The following KRI1 variants were observed in gnomAD, a reference collection of about 807,000 sequenced individuals.
KRI1 encodes KRI1 homolog.
In KRI1, 83 loss-of-function variants were observed where a neutral mutation model predicts 97.0. That is an observed-to-expected ratio of 0.86 (90% CI 0.72 to 1.03). The LOEUF is 1.03. Ranked by LOEUF, KRI1 falls within the 50% of genes least tolerant of loss-of-function variation. The probability of loss-of-function intolerance (pLI) is 0.00; values close to 1 mark genes in which losing one functional copy is unlikely to be tolerated. For synonymous variants in KRI1, 371 were observed against 363.5 expected (o/e 1.02, Z -0.23); for missense variants, 916 against 928.4 (o/e 0.99, Z 0.17).
chr19:10,562,707 G>A (rs1454914538), intron 4 of KRI1, 22 bp downstream of exon 4: 2 of 1,340,602 alleles, frequency 1.5e-6, no homozygotes, highest in Admixed American at 1.7e-5. Flanking sequence ...CCAGGGGGTG[G>A]GGATGTAGGC....
chr19:10,554,120 T>G lies in KRI1; in HGVS notation c.1943A>C (p.Lys648Thr). The stretch of plus-strand genomic sequence containing the variant: ...CCGTGCCTTCTTGGCCCTCCTCCGC[T>G]TCTGGGGGGCTGGCTTCTTGTGGGG... ...VSPHKKPAPQ[K>T]RRRAKKARLL... The change falls in exon 19 of 19, where the codon AAG becomes ACG. Residue 648 changes from lysine (K) to threonine (T), a missense_variant. Coordinates refer to ENST00000312962, the MANE Select transcript of KRI1 (RefSeq NM_023008.5). 1.2e-6 allele frequency: 2 copies of G among 1,614,156 alleles called. No homozygotes were observed. Among genetic ancestry groups the G allele is most frequent in the South Asian group, 1.1e-5 (1 of 91,084 alleles).
chr19:10,556,628 C>T (rs929206813), intron 16 of KRI1, among the ~76,000 whole-genome samples: 1 of 151,596 alleles, frequency 6.6e-6, no homozygotes, highest in Non-Finnish European at 1.5e-5. Flanking sequence ...GTTTGCACCA[C>T]CGCATGCCGG....
In KRI1 at chr19:10,565,933, A is replaced by G; in HGVS notation, c.67T>C (p.Tyr23His). 1 of 1,534,488 alleles carries G rather than the reference A, an allele frequency of 6.5e-7. No individual in the cohort carries two copies. Among genetic ancestry groups the G allele is most frequent in the Non-Finnish European group, 8.8e-7 (1 of 1,141,456 alleles). The change falls in exon 1 of 19, where the codon TAC becomes CAC. Residue 23 changes from tyrosine to histidine, a missense_variant. By Grantham distance (83) the Tyr-to-His change is moderately conservative. Around this residue, in one of 3 missense-constraint regions of KRI1, gnomAD observed 173 missense variants for 153.1 expected, o/e 1.13. Transcript: ENST00000312962. ...CGCTGCAGTTCCTCGCGCTCCCGGTAGCGGTTGTACCGCGCGGCAAACGCC... is the reference window on the plus strand; with the variant it reads ...CGCTGCAGTTCCTCGCGCTCCCGGTGGCGGTTGTACCGCGCGGCAAACGCC... Reference protein sequence around the residue: ...NAAFAARYNRYREREELQRLK... With the variant: ...NAAFAARYNRHREREELQRLK...
At chr19:10,554,356 T>C (rs1916425789) in intron 18 of KRI1, 75 bp from the exon 19 acceptor site, 1 of 1,301,026 alleles carries the variant, frequency 7.7e-7, no homozygotes, top group Non-Finnish European at 1.1e-6. Context: ...TGCCCCATTT[T>C]ACAGACAGGG....
intron 9 of KRI1, 121 bp downstream of exon 9, chr19:10,560,189 ACT>A: frequency 1.4e-6 from 2 of 1,423,682 alleles, no homozygotes; most frequent in South Asian, 1.5e-5. Flanking sequence ...CAGAAGACTA[ACT>A]CTGCCACCAT....
chr19:10,559,638 T>TC lies in KRI1; in HGVS notation c.997dup (p.Glu333GlyfsTer53). The TC allele has an allele frequency of 6.2e-7, 1 of 1,613,958 alleles. No homozygotes were observed. The highest frequency in any genetic ancestry group is 8.5e-7 in the Non-Finnish European group (1 of 1,180,010). ...CCTCTTCTTTCGCTCCCGAGTCTCT[T>TC]CCCTCTTCTCCTTTCTGCGCTCATC... On this transcript the variant is annotated frameshift_variant, in exon 11 of 19. Coordinates refer to ENST00000312962, the MANE Select transcript of KRI1 (RefSeq NM_023008.5). LOFTEE classifies it high-confidence loss of function.
chr19:10,555,442 G>A, intron 16 of KRI1, 93 bp from the exon 17 acceptor site: 1 of 1,336,644 alleles, frequency 7.5e-7, no homozygotes, highest in Non-Finnish European at 1.1e-6. Flanking sequence ...AAACGGTAAT[G>A]CCGCTACCAC....
chr19:10,565,868 C>G lies in KRI1; in HGVS notation c.94+38G>C, dbSNP rs749431581. 15 of 1,533,872 alleles carry G rather than the reference C, an allele frequency of 9.8e-6. No individual in the cohort carries two copies. The Admixed American group carries it at 3.1e-4, about 31-fold the overall frequency. On this transcript the variant is annotated intron_variant, in intron 1 of 18. Transcript: ENST00000312962. ...GACTCCCCACTTCCCAACCGGCCGG[C>G]GCGCGCAGGCTCCCGCGCGCATGCG... is the stretch of plus-strand genomic sequence containing the variant.
chr19:10,558,385 G>A (rs1916586239), intron 12 of KRI1, 146 bp from the exon 13 acceptor site: 1 of 702,496 alleles, frequency 1.4e-6, no homozygotes, highest in East Asian at 2.7e-5. Flanking sequence ...AGCTCCTGAG[G>A]TGGGAGGCCC....
chr19:10,558,629 G>A (rs1916595383), intron 12 of KRI1, among the ~76,000 whole-genome samples: 1 of 151,602 alleles, frequency 6.6e-6, no homozygotes, highest in South Asian at 2.1e-4. Context: ...TGCAACCCTT[G>A]CCTCCCGGTT....
At chr19:10,565,633 G>T in intron 2 of KRI1, 84 bp downstream of exon 2, 1 of 1,465,894 alleles carries the variant, frequency 6.8e-7, no homozygotes, top group African/African-American at 1.5e-5. Context: ...GGGGTTGGGG[G>T]TTCCCCCCCG....
chr19:10,565,811 G>GCCCC (rs34864064), intron 1 of KRI1, 21 bp from the exon 2 acceptor site: 46,683 of 1,500,352 alleles, frequency 0.031, 100 homozygotes, highest in Non-Finnish European at 0.035. Flanking sequence ...CAGACGGGAT[G>GCCCC]CCCCCCCCCA....
At chr19:10,562,452 C>T (rs947017415) in intron 4 of KRI1, among the ~76,000 whole-genome samples, 2 of 152,112 alleles carry the variant, frequency 1.3e-5, no homozygotes, top group Admixed American at 6.6e-5. Context: ...AATCCTCCTG[C>T]CTCAGCCTCC....
Position 10,559,858 on chromosome 19 carries a change from GTCC to G in KRI1, c.876_878del (p.Glu292del), listed in dbSNP as rs1916639104. Reference sequence around the variant, plus strand: ...AACGGAAATTGTACTTCTGTTCAAAGTCCTCCTGTTTCTTCAGAAACAGCTCCC... The same window carrying G: ...AACGGAAATTGTACTTCTGTTCAAAGTCCTGTTTCTTCAGAAACAGCTCCC... On this transcript the variant is annotated inframe_deletion, in exon 10 of 19. Coordinates refer to ENST00000312962, the MANE Select transcript of KRI1 (RefSeq NM_023008.5). The G allele has an allele frequency of 6.2e-6, 10 of 1,613,688 alleles. No individual in the cohort carries two copies. Among genetic ancestry groups the G allele is most frequent in the Admixed American group, 1.7e-5 (1 of 59,984 alleles).
At chr19:10,556,161 C>G (rs536988802) in intron 16 of KRI1, among the ~76,000 whole-genome samples, 14 of 152,228 alleles carry the variant, frequency 9.2e-5, no homozygotes, top group African/African-American at 3.4e-4. Context: ...CAGCCTCAAC[C>G]TCCTGGACTC....
Position 10,554,935 on chromosome 19 carries a change from C to A in KRI1, c.1781+152G>T, listed in dbSNP as rs115179595. The A allele has an allele frequency of 5.3e-3, 3,251 of 614,896 alleles. 70 individuals carry two copies. The highest frequency in any genetic ancestry group is 0.053 in the African/African-American group (2,865 of 54,218). The allele number at this position is 614,896 out of a possible 1,614,324, so 38.1% of individuals were successfully genotyped here. On this transcript the variant is annotated intron_variant, in intron 18 of 18. Coordinates refer to ENST00000312962, the MANE Select transcript of KRI1 (RefSeq NM_023008.5). ...GGGTAGCGACTTGCCCAAGGTCACA[C>A]AACGTTGGTGCCCATATAGGATTCG... is the stretch of plus-strand genomic sequence containing the variant.
chr19:10,564,772 A>T (rs188331003), intron 3 of KRI1, among the ~76,000 whole-genome samples, 157 bp downstream of exon 3: 21 of 152,306 alleles, frequency 1.4e-4, no homozygotes, highest in Middle Eastern at 3.4e-3. Context: ...ATCTATCCTT[A>T]AAACAGCCCT....
At chr19:10,557,462 G>A (rs1916536184) in intron 16 of KRI1, 90 bp downstream of exon 16, 6 of 1,384,722 alleles carry the variant, frequency 4.3e-6, no homozygotes, top group Non-Finnish European at 6.0e-6. Flanking sequence ...GCATTTCTGA[G>A]CAACAGAGAT....
At position 10,562,797 on chromosome 19, in the gene KRI1, C is replaced by T; in HGVS notation, c.315G>A (p.Glu105=). 1 of 1,613,504 alleles carries T rather than the reference C, an allele frequency of 6.2e-7. No homozygotes were observed. The highest frequency in any genetic ancestry group is 8.5e-7 in the Non-Finnish European group (1 of 1,179,416). The stretch of plus-strand genomic sequence containing the variant: ...ACATGGGCCGCACTTTCTTCTGCTT[C>T]TCCAAGGCTTCTGGGTCCTCCTCAC... ...SDSEEDPEAL[E]KQKKVRPMYL... Residue 105 remains glutamate (E), a synonymous_variant, in exon 4 of 19, where the codon GAG becomes GAA. Coordinates refer to ENST00000312962, the MANE Select transcript of KRI1 (RefSeq NM_023008.5).
Sources: allele counts gnomAD v4.1 joint callset (sites outside exome capture counted in the v4.1 genomes callset), GRCh38; gene constraint gnomAD v4.1.1; regional missense constraint gnomAD v4.1.1; transcripts MANE v1.5; gene names NCBI Gene and HGNC (gene_info 2026-07-23, HGNC 2026-07-21).